The following RBMS3 variants were observed in gnomAD, a reference collection of about 807,000 sequenced individuals.
RBMS3 encodes RNA-binding motif, single-stranded-interacting protein 3.
RBMS3 carries 27 observed loss-of-function variants against 66.8 expected under a neutral mutation model. That is an observed-to-expected ratio of 0.40 (90% confidence interval 0.30 to 0.56). The LOEUF (loss-of-function observed/expected upper bound fraction) is 0.56. RBMS3 is among the 20% of genes least tolerant of loss of function. The probability of loss-of-function intolerance (pLI) is 0.40; values close to 1 mark genes in which losing one functional copy is unlikely to be tolerated. For synonymous variants in RBMS3, 188 were observed against 183.0 expected, an observed-to-expected ratio of 1.03 and a Z score of -0.22; for missense variants, 513 against 549.5, an observed-to-expected ratio of 0.93 and a Z score of 0.66.
At chr3:29,731,029 T>G in intron 4 of RBMS3, 2 of 985,290 alleles carry the variant, frequency 2.0e-6, no homozygotes, top group Non-Finnish European at 1.2e-6. Context: ...AATTTAGTCA[T>G]AAAGGCTGGA....
At chr3:29,910,442 G>A (rs142873775) in intron 10 of RBMS3, among the ~76,000 whole-genome samples, 1 of 152,192 alleles carries the variant, frequency 6.6e-6, no homozygotes, top group South Asian at 2.1e-4. Context: ...TTAAATAGAT[G>A]ATCAGAAACG....
chr3:29,596,435 CA>C (rs1260962522), intron 4 of RBMS3, among the ~76,000 whole-genome samples: 2 of 152,188 alleles, frequency 1.3e-5, no homozygotes, highest in Admixed American at 6.5e-5. Context: ...CAAACGGATG[CA>C]GGGAATAAAG....
intron 6 of RBMS3, among the ~76,000 whole-genome samples, chr3:29,821,144 T>C (rs1327658166): frequency 6.6e-6 from 1 of 152,200 alleles, no homozygotes; most frequent in African/African-American, 2.4e-5. Flanking sequence ...AGTATACATA[T>C]CTGTCAATAT....
chr3:29,789,859 A>G (rs17024378), intron 6 of RBMS3, among the ~76,000 whole-genome samples: 16,541 of 152,196 alleles, frequency 0.11, 1,049 homozygotes, highest in African/African-American at 0.16. Context: ...CTTGTGACCA[A>G]AGGAAAACTA....
intron 6 of RBMS3, among the ~76,000 whole-genome samples, chr3:29,764,851 A>G (rs1415244455): frequency 3.9e-5 from 6 of 152,046 alleles, no homozygotes; most frequent in Admixed American, 3.9e-4. Flanking sequence ...CCCAATGGAA[A>G]CATTGTGAAT....
intron 1 of RBMS3, among the ~76,000 whole-genome samples, chr3:29,384,264 C>T (rs1026546416): frequency 6.6e-6 from 1 of 151,934 alleles, no homozygotes; most frequent in Non-Finnish European, 1.5e-5. Context: ...TGCTGTGAGC[C>T]GTGATCGCAC....
intron 4 of RBMS3, among the ~76,000 whole-genome samples, chr3:29,632,467 G>A (rs2049319518): frequency 6.6e-6 from 1 of 151,858 alleles, no homozygotes; most frequent in South Asian, 2.1e-4. Context: ...TGAAATTCTA[G>A]AAAGTTTTAA....
At chr3:29,920,757 C>A (rs527976423) in intron 10 of RBMS3, among the ~76,000 whole-genome samples, 5 of 150,392 alleles carry the variant, frequency 3.3e-5, no homozygotes, top group African/African-American at 1.2e-4. Context: ...AGGCAGATCT[C>A]GAGGTCAGGA....
Position 29,622,857 on chromosome 3 carries a change from A to G in RBMS3, c.399+35652A>G, listed in dbSNP as rs957486865. Among the ~76,000 whole-genome samples, 6 of 152,134 alleles carry G rather than the reference A, an allele frequency of 3.9e-5. No homozygotes were observed. In the East Asian group the frequency reaches 5.8e-4, roughly 15 times the overall value. ...GTCCCGGACAGGAGCGGTGGCTCACAGCTGTAATCCCAGTTTTGGGAGGCC... is the reference window on the plus strand; with the variant it reads ...GTCCCGGACAGGAGCGGTGGCTCACGGCTGTAATCCCAGTTTTGGGAGGCC... On this transcript the variant is annotated intron_variant, in intron 4 of 14. Coordinates refer to ENST00000383767, the MANE Select transcript of RBMS3 (RefSeq NM_001003793.3).
intron 7 of RBMS3, among the ~76,000 whole-genome samples, chr3:29,870,151 A>T (rs773374432): frequency 1.3e-5 from 2 of 152,168 alleles, no homozygotes; most frequent in Non-Finnish European, 2.9e-5. Flanking sequence ...TAATATTCTC[A>T]ACTTTAGAAA....
At chr3:29,308,746 C>CAAAAAA (rs746069017) in intron 1 of RBMS3, among the ~76,000 whole-genome samples, 1 of 18,808 alleles carries the variant, frequency 5.3e-5, no homozygotes, top group Non-Finnish European at 1.2e-4. Flanking sequence ...TAAAAAAAAA[C>CAAAAAA]AAAAAAAAAC....
chr3:29,910,342 G>A (rs2060485690), intron 10 of RBMS3, among the ~76,000 whole-genome samples: 2 of 151,890 alleles, frequency 1.3e-5, no homozygotes, highest in Non-Finnish European at 2.9e-5. Flanking sequence ...GATAGACCAT[G>A]GAACTATTTG....
chr3:29,977,846 T>TA (rs1639085934), intron 12 of RBMS3, among the ~76,000 whole-genome samples: 1 of 151,524 alleles, frequency 6.6e-6, no homozygotes, highest in Admixed American at 6.6e-5. Context: ...ATATGCAAAA[T>TA]AAAAAACTTG....
intron 4 of RBMS3, among the ~76,000 whole-genome samples, chr3:29,678,109 C>G (rs571714963): frequency 1.2e-3 from 182 of 152,302 alleles, no homozygotes; most frequent in African/African-American, 4.2e-3. Context: ...ACCAGTCCTT[C>G]CATCATGCTC....
chr3:29,849,371 G>A (rs776430704), intron 6 of RBMS3, among the ~76,000 whole-genome samples: 1 of 151,724 alleles, frequency 6.6e-6, no homozygotes, highest in African/African-American at 2.4e-5. Context: ...AAAATTAACC[G>A]GGCACAGTGG....
At chr3:29,867,904 A>G (rs1263281577) in intron 6 of RBMS3, among the ~76,000 whole-genome samples, 3 of 152,034 alleles carry the variant, frequency 2.0e-5, no homozygotes, top group Non-Finnish European at 1.5e-5. Context: ...GGTTAATTCA[A>G]GCAGATAAAC....
intron 4 of RBMS3, among the ~76,000 whole-genome samples, chr3:29,663,097 G>A (rs2050617963): frequency 6.6e-6 from 1 of 152,134 alleles, no homozygotes; most frequent in African/African-American, 2.4e-5. Context: ...TTTAAACAAT[G>A]TCAGTCATAC....
At chr3:29,979,951 AG>A (rs1374558913) in intron 12 of RBMS3, among the ~76,000 whole-genome samples, 1 of 152,218 alleles carries the variant, frequency 6.6e-6, no homozygotes, top group African/African-American at 2.4e-5. Context: ...GTATATACCC[AG>A]TAATGGGATT....
intron 1 of RBMS3, among the ~76,000 whole-genome samples, chr3:29,292,971 T>C (rs1440184098): frequency 3.3e-5 from 5 of 151,856 alleles, no homozygotes; most frequent in African/African-American, 1.2e-4. Flanking sequence ...TTGAGACTTT[T>C]GGTCTCTTAG....
Sources: gnomAD v4.1 joint callset for allele counts (sites outside exome capture counted in the v4.1 genomes callset) on GRCh38, gnomAD v4.1.1 for gene constraint, MANE v1.5 for transcripts, NCBI Gene and HGNC (gene_info 2026-07-23, HGNC 2026-07-21) for gene names.